The following NCAM1 variants were observed in gnomAD, a reference collection of about 807,000 sequenced individuals.
NCAM1 encodes the protein neural cell adhesion molecule 1.
A neutral mutation model predicts 109.8 loss-of-function variants in NCAM1; 14 were observed. The ratio of observed to expected loss-of-function variants is 0.13; its 90% CI spans 0.08 to 0.20. NCAM1 has a LOEUF of 0.20. NCAM1 is among the 10% of genes least tolerant of loss of function. NCAM1 has a pLI of 1.00. For synonymous variants in NCAM1, 418 were observed against 442.9 expected, an observed-to-expected ratio of 0.94 and a Z score of 0.70; for missense variants, 774 against 1,109.9, an observed-to-expected ratio of 0.70 and a Z score of 4.30.
intron 15 of NCAM1, among the ~76,000 whole-genome samples, chr11:113,252,898 GC>G (rs1464998969): frequency 7.6e-6 from 1 of 131,660 alleles, no homozygotes; most frequent in Non-Finnish European, 1.5e-5. Context: ...TGATCCACCT[GC>G]CTCAGCCTCC....
chr11:113,137,223 G>A (rs1188638974), intron 1 of NCAM1, among the ~76,000 whole-genome samples: 3 of 152,154 alleles, frequency 2.0e-5, no homozygotes, highest in Non-Finnish European at 4.4e-5. Context: ...AAGAACATGA[G>A]TAAAATATAG....
At chr11:113,096,685 A>G (rs782768182) in intron 1 of NCAM1, among the ~76,000 whole-genome samples, 13 of 152,118 alleles carry the variant, frequency 8.5e-5, no homozygotes, top group Non-Finnish European at 1.5e-4. Flanking sequence ...TAATTATTTC[A>G]ATGCAGTGGA....
In NCAM1 at chr11:113,271,815, C is replaced by A; in HGVS notation, c.2395C>A (p.Pro799Thr). The change falls in exon 19 of 20, where the codon CCA becomes ACA. Residue 799 changes from proline (P) to threonine (T), a missense_variant. Around this residue, in one of 4 missense-constraint regions of NCAM1, gnomAD observed 122 missense variants for 129.7 expected, o/e 0.94. Transcript: ENST00000316851. ...GGTTCGAACGGAGGAGGAGAGGACC[C>A]CAAACCATGATGGAGGGAAACACAC... The part of the protein sequence containing the change: ...VEVRTEEERT[P>T]NHDGGKHTEP... 1 of 1,572,552 alleles carries A rather than the reference C, an allele frequency of 6.4e-7. No homozygotes were observed. The highest frequency in any genetic ancestry group is 8.6e-7 in the Non-Finnish European group (1 of 1,159,262).
intron 1 of NCAM1, among the ~76,000 whole-genome samples, chr11:113,012,887 A>G (rs1952106483): frequency 6.6e-6 from 1 of 152,016 alleles, no homozygotes; most frequent in Admixed American, 6.6e-5. Flanking sequence ...TATATATGAG[A>G]CTCTCCTAGT....
At chr11:113,199,382 A>G (rs952236988) in intron 1 of NCAM1, among the ~76,000 whole-genome samples, 1 of 152,134 alleles carries the variant, frequency 6.6e-6, no homozygotes, top group East Asian at 1.9e-4. Context: ...TCCACTTACT[A>G]TCATTAAACC....
intron 14 of NCAM1, chr11:113,240,698 C>T (rs1210832993): frequency 5.6e-6 from 7 of 1,248,832 alleles, no homozygotes; most frequent in Non-Finnish European, 8.3e-6. Context: ...ATACTGATGC[C>T]CCAGGGTTGT....
intron 1 of NCAM1, among the ~76,000 whole-genome samples, chr11:113,109,101 A>T (rs1426692241): frequency 1.3e-5 from 2 of 149,910 alleles, no homozygotes; most frequent in Non-Finnish European, 3.0e-5. Context: ...TAATCCCAGC[A>T]CTTTGGGAGG....
At chr11:113,000,799 C>T (rs1951726751) in intron 1 of NCAM1, among the ~76,000 whole-genome samples, 1 of 126,086 alleles carries the variant, frequency 7.9e-6, no homozygotes, top group East Asian at 2.3e-4. Flanking sequence ...TTGGAGGCAA[C>T]CTATAGAATT....
chr11:113,162,856 C>T (rs1228062861), intron 1 of NCAM1, among the ~76,000 whole-genome samples: 1 of 152,166 alleles, frequency 6.6e-6, no homozygotes, highest in East Asian at 1.9e-4. Context: ...CACCCGAGCA[C>T]ATATTCCGCA....
intron 1 of NCAM1, among the ~76,000 whole-genome samples, chr11:113,019,827 T>G (rs1952331758): frequency 6.6e-6 from 1 of 152,194 alleles, no homozygotes; most frequent in Admixed American, 6.5e-5. Flanking sequence ...CCACATGAGT[T>G]CTCTTGTCTG....
chr11:112,987,569 T>A (rs1951341920), intron 1 of NCAM1, among the ~76,000 whole-genome samples: 1 of 152,194 alleles, frequency 6.6e-6, no homozygotes, highest in African/African-American at 2.4e-5. Flanking sequence ...TTAGGTGCTC[T>A]GATGGTGGGT....
intron 1 of NCAM1, among the ~76,000 whole-genome samples, chr11:113,082,974 AAG>A (rs1938906851): frequency 6.6e-6 from 1 of 152,118 alleles, no homozygotes; most frequent in Admixed American, 6.5e-5. Context: ...CTTTACTGGG[AAG>A]AGAGTTTTTT....
At chr11:112,982,334 T>C (rs1951175172) in intron 1 of NCAM1, among the ~76,000 whole-genome samples, 1 of 151,966 alleles carries the variant, frequency 6.6e-6, no homozygotes, top group African/African-American at 2.4e-5. Context: ...GGGTGCTAGC[T>C]GGCAATGTAT....
At chr11:113,148,194 C>T (rs991548254) in intron 1 of NCAM1, among the ~76,000 whole-genome samples, 7 of 152,076 alleles carry the variant, frequency 4.6e-5, no homozygotes, top group African/African-American at 1.2e-4. Flanking sequence ...TGGGGCAGTT[C>T]GGACGTGCAG....
chr11:113,214,436 C>G lies in NCAM1; in HGVS notation c.984C>G (p.Thr328=), dbSNP rs782025802. The change falls in exon 8 of 20, where the codon ACC becomes ACG. Residue 328 remains threonine (T), a synonymous_variant. Transcript: ENST00000316851. ...AATTAGAGGAGCAGGTCACTCTTACCTGTGAAGCCTCCGGAGACCCCATTC... is the reference window on the plus strand; with the variant it reads ...AATTAGAGGAGCAGGTCACTCTTACGTGTGAAGCCTCCGGAGACCCCATTC... ...AMELEEQVTL[T]CEASGDPIPS... 5 of 1,613,716 alleles carry G rather than the reference C, an allele frequency of 3.1e-6. No homozygotes were observed. Among genetic ancestry groups the G allele is most frequent in the Non-Finnish European group, 4.2e-6 (5 of 1,179,740 alleles).
At chr11:113,062,514 A>C (rs1937716463) in intron 1 of NCAM1, among the ~76,000 whole-genome samples, 1 of 152,206 alleles carries the variant, frequency 6.6e-6, no homozygotes, top group Admixed American at 6.5e-5. Context: ...GAATCAGGCC[A>C]AAAACCAAGT....
At chr11:113,056,404 A>C (rs989201074) in intron 1 of NCAM1, among the ~76,000 whole-genome samples, 1 of 152,204 alleles carries the variant, frequency 6.6e-6, no homozygotes, top group African/African-American at 2.4e-5. Context: ...TAATGTTCCC[A>C]ACACAAAGAA....
At chr11:113,046,672 A>G (rs1398787274) in intron 1 of NCAM1, among the ~76,000 whole-genome samples, 2 of 152,214 alleles carry the variant, frequency 1.3e-5, no homozygotes, top group African/African-American at 4.8e-5. Context: ...CTAGATGGAT[A>G]GCGAGATGGA....
At chr11:113,221,564 T>C in intron 9 of NCAM1, 1 of 455,896 alleles carries the variant, frequency 2.2e-6, no homozygotes, top group Non-Finnish European at 3.9e-6. Flanking sequence ...CTCTTGCTGG[T>C]GCTGGTAAAA....
Sources: gnomAD v4.1 joint callset for allele counts (sites outside exome capture counted in the v4.1 genomes callset) on GRCh38, gnomAD v4.1.1 for gene constraint, gnomAD v4.1.1 regional missense constraint, MANE v1.5 for transcripts, NCBI Gene and HGNC (gene_info 2026-07-23, HGNC 2026-07-21) for gene names.